Variants in UBE2H observed in about 807,000 individuals in gnomAD.
UBE2H encodes the protein ubiquitin-conjugating enzyme E2 H.
In UBE2H, 3 loss-of-function variants were observed where a neutral mutation model predicts 29.0. That is an observed-to-expected ratio of 0.10 (90% CI 0.05 to 0.27). The LOEUF (loss-of-function observed/expected upper bound fraction) is 0.27, where lower values mean the gene tolerates loss of function less well. UBE2H is among the 10% of genes least tolerant of loss of function. The pLI is 1.00. For synonymous variants in UBE2H, 69 were observed against 82.9 expected (o/e 0.83, Z 0.91); for missense variants, 68 against 228.2 (o/e 0.30, Z 4.52).
chr7:129,845,914 T>C (rs1392178285), intron 5 of UBE2H, among the ~76,000 whole-genome samples: 1 of 152,188 alleles, frequency 6.6e-6, no homozygotes, highest in Non-Finnish European at 1.5e-5. Context: ...TAAGATATAC[T>C]TCAAATTGCA....
chr7:129,837,467 TA>T (rs1805351875), intron 6 of UBE2H, among the ~76,000 whole-genome samples: 1 of 151,796 alleles, frequency 6.6e-6, no homozygotes, highest in Admixed American at 6.6e-5. Flanking sequence ...GGAAAAAAAC[TA>T]GAGGAGTTTA....
chr7:129,950,388 C>T (rs1319156837), intron 1 of UBE2H, among the ~76,000 whole-genome samples: 2 of 152,036 alleles, frequency 1.3e-5, no homozygotes, highest in Admixed American at 1.3e-4. Context: ...AAATAAGCCA[C>T]TTAGGGGGAG....
chr7:129,866,596 G>A (rs1805908660), intron 3 of UBE2H, among the ~76,000 whole-genome samples: 1 of 152,192 alleles, frequency 6.6e-6, no homozygotes, highest in Non-Finnish European at 1.5e-5. Flanking sequence ...CACTCTTAGA[G>A]TTGTAGTTAA....
At chr7:129,865,879 T>C (rs76674806) in intron 3 of UBE2H, among the ~76,000 whole-genome samples, 247 of 152,256 alleles carry the variant, frequency 1.6e-3, no homozygotes, top group African/African-American at 5.7e-3. Flanking sequence ...TATTTAAGGG[T>C]AATAACTTGG....
chr7:129,950,283 C>A (rs984212393), intron 1 of UBE2H, among the ~76,000 whole-genome samples: 2 of 152,182 alleles, frequency 1.3e-5, no homozygotes, highest in Non-Finnish European at 2.9e-5. Flanking sequence ...TAAAGCGCCT[C>A]TGCTTTCTTT....
chr7:129,918,078 G>A (rs1179509260), intron 1 of UBE2H, among the ~76,000 whole-genome samples: 1 of 152,126 alleles, frequency 6.6e-6, no homozygotes, highest in Non-Finnish European at 1.5e-5. Flanking sequence ...ATTAGACACT[G>A]GCAGGCCTCA....
chr7:129,859,336 C>T (rs750591865), intron 3 of UBE2H, among the ~76,000 whole-genome samples: 2 of 152,224 alleles, frequency 1.3e-5, no homozygotes, highest in Non-Finnish European at 2.9e-5. Flanking sequence ...GGAGGTTCTG[C>T]ATTTCAACTT....
chr7:129,884,200 G>A (rs550636666), intron 1 of UBE2H, among the ~76,000 whole-genome samples: 85 of 152,226 alleles, frequency 5.6e-4, no homozygotes, highest in African/African-American at 2.0e-3. Context: ...GGTGGATCAC[G>A]AGGTCAGGAG....
At position 129,831,488 on chromosome 7, in the gene UBE2H, G is replaced by A. The variant is rs1456628665; in HGVS notation, c.*3449C>T. On this transcript the variant is annotated 3_prime_UTR_variant, in exon 7 of 7. Transcript: ENST00000355621. ...AACATAAAGCATGTGCCAGGCCAAT[G>A]CCAACTAGGACTTCAGGGGGCCTTT... is the stretch of plus-strand genomic sequence containing the variant. 6.6e-6 allele frequency: 1 copy of A among 152,212 alleles called. No homozygotes were observed. The highest frequency in any genetic ancestry group is 1.5e-5 in the Non-Finnish European group (1 of 68,058). The allele number at this position is 152,212 out of a possible 1,614,324, so 9.4% of individuals were successfully genotyped here. A position where few individuals can be genotyped will look rare whatever the true frequency, so the allele number is the denominator to read the frequency against.
intron 1 of UBE2H, among the ~76,000 whole-genome samples, chr7:129,914,360 T>C (rs1461526080): frequency 6.6e-6 from 1 of 151,916 alleles, no homozygotes; most frequent in East Asian, 1.9e-4. Flanking sequence ...AGAGATGGGG[T>C]TTTGCCATGT....
At chr7:129,925,585 A>T (rs1331442370) in intron 1 of UBE2H, among the ~76,000 whole-genome samples, 7 of 152,320 alleles carry the variant, frequency 4.6e-5, no homozygotes, top group African/African-American at 1.4e-4. Flanking sequence ...GATTGTATTC[A>T]GGGCAGTCAA....
intron 1 of UBE2H, among the ~76,000 whole-genome samples, chr7:129,913,053 C>T (rs773372525): frequency 1.3e-5 from 2 of 152,042 alleles, no homozygotes; most frequent in African/African-American, 2.4e-5. Context: ...GAGTTCGAGA[C>T]CAGCCTGGCC....
intron 1 of UBE2H, among the ~76,000 whole-genome samples, chr7:129,915,794 T>A (rs1376368783): frequency 2.0e-5 from 3 of 152,194 alleles, no homozygotes; most frequent in African/African-American, 7.2e-5. Flanking sequence ...AGAGAACTCC[T>A]ACCATCCCCA....
chr7:129,871,178 C>T (rs1224108095), intron 3 of UBE2H, among the ~76,000 whole-genome samples: 1 of 152,132 alleles, frequency 6.6e-6, no homozygotes, highest in African/African-American at 2.4e-5. Context: ...TCTACAGCAC[C>T]CAGAATAACG....
intron 1 of UBE2H, among the ~76,000 whole-genome samples, chr7:129,946,252 G>A (rs1354101529): frequency 6.6e-6 from 1 of 151,760 alleles, no homozygotes; most frequent in Non-Finnish European, 1.5e-5. Flanking sequence ...GTAGAGATGG[G>A]TTTTTACCAT....
intron 1 of UBE2H, among the ~76,000 whole-genome samples, chr7:129,933,539 T>C (rs897064282): frequency 2.0e-5 from 3 of 152,194 alleles, no homozygotes; most frequent in Non-Finnish European, 4.4e-5. Flanking sequence ...GAAAACGGCA[T>C]TGAATAACCT....
chr7:129,872,774 C>G (rs1321346457), intron 3 of UBE2H, among the ~76,000 whole-genome samples: 4 of 132,548 alleles, frequency 3.0e-5, no homozygotes, highest in African/African-American at 1.1e-4. Flanking sequence ...ACCCGGGAGG[C>G]AGAGGTTGCA....
At chr7:129,916,063 C>T (rs953210935) in intron 1 of UBE2H, among the ~76,000 whole-genome samples, 1 of 152,220 alleles carries the variant, frequency 6.6e-6, no homozygotes, top group African/African-American at 2.4e-5. Context: ...AAAGCTCTCT[C>T]AGATGCATTT....
Position 129,893,115 on chromosome 7 carries a change from TAC to T in UBE2H, c.54-12146_54-12145del, listed in dbSNP as rs538029154. On this transcript the variant is annotated intron_variant, in intron 1 of 6. Transcript: ENST00000355621. ...AGAGTAACATACAGTTTTAAAATTT[TAC>T]AGAGTCAACTGGTACGAGTAAGGTT... 2.8e-3 allele frequency among the ~76,000 whole-genome samples: 432 copies of T among 152,316 alleles called. 2 individuals are homozygous for T. The highest frequency in any genetic ancestry group is 0.014 in the Middle Eastern group (4 of 294).
Sources: gnomAD v4.1 joint callset for allele counts (sites outside exome capture counted in the v4.1 genomes callset) on GRCh38, gnomAD v4.1.1 for gene constraint, MANE v1.5 for transcripts, NCBI Gene and HGNC (gene_info 2026-07-23, HGNC 2026-07-21) for gene names.